ADAM10: variants seen among roughly 807,000 people sequenced by gnomAD.
ADAM10 encodes the protein disintegrin and metalloproteinase domain-containing protein 10.
Under a neutral mutation model 90.1 loss-of-function variants are expected in ADAM10, and 17 were observed. The ratio of observed to expected loss-of-function variants is 0.19; its 90% CI spans 0.13 to 0.28. The LOEUF (loss-of-function observed/expected upper bound fraction) is 0.28, where lower values mean the gene tolerates loss of function less well. ADAM10 is among the 10% of genes least tolerant of loss of function. The pLI is 1.00. For missense variants in ADAM10, 610 were observed against 914.3 expected, an observed-to-expected ratio of 0.67 and a Z score of 4.29; for synonymous variants, 310 against 298.6, an observed-to-expected ratio of 1.04 and a Z score of -0.40.
At position 58,592,794 on chromosome 15, in the gene ADAM10, G is replaced by C. The variant is rs1894851787; in HGVS notation, c.*4753C>G. The C allele has an allele frequency of 6.7e-6, 1 of 149,268 alleles. No homozygotes were observed. The highest frequency in any genetic ancestry group is 2.1e-4 in the South Asian group (1 of 4,750). 9.2% of individuals were successfully genotyped at this position (149,268 alleles called of 1,614,324 possible). On this transcript the variant is annotated 3_prime_UTR_variant, in exon 16 of 16. Transcript: ENST00000260408. ...ATATTAAATCGTGGTAGTATAACTT[G>C]GTACATCTATCTGGGAGACAGTACC...
intron 15 of ADAM10, among the ~76,000 whole-genome samples, chr15:58,597,985 A>G (rs1401096923): frequency 2.0e-5 from 3 of 152,190 alleles, no homozygotes; most frequent in Non-Finnish European, 2.9e-5. Flanking sequence ...AATGGAAACT[A>G]GCAACAATTC....
At chr15:58,713,376 G>C (rs927677346) in intron 2 of ADAM10, among the ~76,000 whole-genome samples, 5 of 152,116 alleles carry the variant, frequency 3.3e-5, no homozygotes, top group Non-Finnish European at 7.3e-5. Context: ...AAAGTGCTGG[G>C]ATTACAGACA....
At chr15:58,666,238 C>T (rs1383037894) in intron 4 of ADAM10, among the ~76,000 whole-genome samples, 2 of 149,678 alleles carry the variant, frequency 1.3e-5, no homozygotes, top group Non-Finnish European at 3.0e-5. Context: ...CTGCATTCAC[C>T]ATCAACTCCC....
At chr15:58,666,525 G>C (rs1897086211) in intron 4 of ADAM10, among the ~76,000 whole-genome samples, 1 of 151,860 alleles carries the variant, frequency 6.6e-6, no homozygotes, top group South Asian at 2.1e-4. Context: ...GTAAGTGCCA[G>C]TCATAAAACT....
chr15:58,748,734 C>G, intron 1 of ADAM10: 1 of 392,718 alleles, frequency 2.5e-6, no homozygotes, highest in Non-Finnish European at 4.5e-6. Context: ...AATGGTTTAC[C>G]CTTCTCCCGA....
chr15:58,676,385 T>A, intron 4 of ADAM10: 1 of 446,638 alleles, frequency 2.2e-6, no homozygotes, highest in South Asian at 1.6e-5. Context: ...TTATACACTG[T>A]CAGGTATATA....
rs1894812822 is a variant in ADAM10, at chr15:58,590,989, G to C, written c.*6558C>G. ...AGGGAACATGATCATTTAAACAAGA[G>C]AGGGCAGAAGAATCTAGTTTATTGT... On this transcript the variant is annotated 3_prime_UTR_variant, in exon 16 of 16. Coordinates refer to ENST00000260408, the MANE Select transcript of ADAM10 (RefSeq NM_001110.4). 1 of 152,176 alleles carries C rather than the reference G, an allele frequency of 6.6e-6. No individual in the cohort carries two copies. The highest frequency in any genetic ancestry group is 1.5e-5 in the Non-Finnish European group (1 of 68,028). 9.4% of individuals were successfully genotyped at this position (152,176 alleles called of 1,614,324 possible).
chr15:58,605,986 A>T (rs1202243506), intron 14 of ADAM10, among the ~76,000 whole-genome samples: 2 of 152,228 alleles, frequency 1.3e-5, no homozygotes, highest in Non-Finnish European at 2.9e-5. Context: ...GAGGACAGGG[A>T]AGACATGCAC....
intron 1 of ADAM10, among the ~76,000 whole-genome samples, chr15:58,730,380 C>T (rs538658797): frequency 6.6e-6 from 1 of 152,358 alleles, no homozygotes; most frequent in East Asian, 1.9e-4. Flanking sequence ...CATTCATTTA[C>T]ATATTTTCTA....
At chr15:58,703,567 C>T (rs1290651130) in intron 2 of ADAM10, among the ~76,000 whole-genome samples, 3 of 152,120 alleles carry the variant, frequency 2.0e-5, no homozygotes, top group South Asian at 2.1e-4. Flanking sequence ...ACCCTGAAAA[C>T]ATCATGATAA....
rs1894857739 is a variant in ADAM10 at position 58,593,024 on chromosome 15, TTA to T, written c.*4521_*4522del. 6.7e-6 allele frequency: 1 copy of T among 150,240 alleles called. No homozygotes were observed. The highest frequency in any genetic ancestry group is 1.9e-4 in the East Asian group (1 of 5,180). The allele number at this position is 150,240 out of a possible 1,614,324, so 9.3% of individuals were successfully genotyped here. ...AAAAAACATACATCCACAGAAATAT[TTA>T]GAGTAGTTAATGTGATATACATTAT... On this transcript the variant is annotated 3_prime_UTR_variant, in exon 16 of 16. Transcript: ENST00000260408.
At chr15:58,620,077 A>AT (rs112819254) in intron 11 of ADAM10, among the ~76,000 whole-genome samples, 6 of 152,140 alleles carry the variant, frequency 3.9e-5, no homozygotes, top group African/African-American at 1.4e-4. Context: ...ATTTATCAGT[A>AT]TTTTTTCAGT....
At chr15:58,697,244 A>G (rs1243163605) in intron 2 of ADAM10, among the ~76,000 whole-genome samples, 1 of 152,184 alleles carries the variant, frequency 6.6e-6, no homozygotes, top group Non-Finnish European at 1.5e-5. Flanking sequence ...TCCTGAGGAC[A>G]GACTACCCTG....
At chr15:58,742,499 T>C (rs946257889) in intron 1 of ADAM10, among the ~76,000 whole-genome samples, 3 of 152,234 alleles carry the variant, frequency 2.0e-5, no homozygotes, top group South Asian at 2.1e-4. Context: ...GGAGCATCTG[T>C]AGTAGCTTCA....
chr15:58,689,943 G>GACC (rs1555418390), intron 2 of ADAM10, among the ~76,000 whole-genome samples: 1 of 80,100 alleles, frequency 1.2e-5, no homozygotes, highest in Non-Finnish European at 2.1e-5. Context: ...ACCAAAGACA[G>GACC]ACCCCCCCCA....
Position 58,740,416 on chromosome 15 carries a change from G to GAAA in ADAM10, c.55+9061_55+9063dup, listed in dbSNP as rs34248418. Among the ~76,000 whole-genome samples the GAAA allele has an allele frequency of 1.3e-3, 169 of 130,618 alleles. 1 individual carries two copies. The highest frequency in any genetic ancestry group is 4.0e-3 in the African/African-American group (153 of 38,386). The allele number at this position is 130,618 out of a possible 152,430, so 85.7% of individuals were successfully genotyped here. ...AGCGCGAGACTCTGTCTCTAGGGAA[G>GAAA]AAAAAAAAAAAAGAACAGCAATATC... On this transcript the variant is annotated intron_variant, in intron 1 of 15. Transcript: ENST00000260408.
chr15:58,599,775 TTA>T (rs1248408254), intron 14 of ADAM10, 51 bp from the exon 15 acceptor site: 7 of 1,561,870 alleles, frequency 4.5e-6, no homozygotes, highest in Non-Finnish European at 6.2e-6. Flanking sequence ...ACAAAATATT[TTA>T]GAGTATCTTT....
At chr15:58,682,405 G>A (rs1897466240) in intron 2 of ADAM10, 91 bp from the exon 3 acceptor site, 1 of 1,511,932 alleles carries the variant, frequency 6.6e-7, no homozygotes, top group Non-Finnish European at 8.8e-7. Flanking sequence ...TCTACAAAAT[G>A]TGGACTGTTA....
At chr15:58,696,447 TTTC>T (rs1382189032) in intron 2 of ADAM10, among the ~76,000 whole-genome samples, 1 of 150,960 alleles carries the variant, frequency 6.6e-6, no homozygotes, top group African/African-American at 2.5e-5. Flanking sequence ...TTGATACTGA[TTTC>T]TTTTTTTCTT....
Sources: allele counts gnomAD v4.1 joint callset (sites outside exome capture counted in the v4.1 genomes callset), GRCh38; gene constraint gnomAD v4.1.1; transcripts MANE v1.5; gene names NCBI Gene and HGNC (gene_info 2026-07-23, HGNC 2026-07-21).